The following COL25A1 variants were observed in gnomAD, a reference collection of about 807,000 sequenced individuals.
COL25A1 encodes the protein collagen type XXV alpha 1 chain.
Under a neutral mutation model 128.4 loss-of-function variants are expected in COL25A1, and 103 were observed. The ratio of observed to expected loss-of-function variants is 0.80; its 90% CI spans 0.68 to 0.94. COL25A1 has a LOEUF of 0.94. COL25A1 is among the 40% of genes least tolerant of loss of function. COL25A1 has a pLI of 0.00. For synonymous variants in COL25A1, 279 were observed against 277.2 expected, an observed-to-expected ratio of 1.01 and a Z score of -0.06; for missense variants, 745 against 840.0, an observed-to-expected ratio of 0.89 and a Z score of 1.40.
At chr4:109,263,785 TG>T (rs1230121697) in intron 3 of COL25A1, among the ~76,000 whole-genome samples, 1 of 152,230 alleles carries the variant, frequency 6.6e-6, no homozygotes, top group Non-Finnish European at 1.5e-5. Context: ...TCTCTCCTAC[TG>T]CCTTGAGAAG....
chr4:109,254,469 T>TATATATATATA, intron 3 of COL25A1, among the ~76,000 whole-genome samples: 1 of 59,584 alleles, frequency 1.7e-5, no homozygotes, highest in African/African-American at 5.6e-5. Flanking sequence ...AGGCATATGT[T>TATATATATATA]TATATATATA....
chr4:108,820,342 T>G lies in COL25A1; in HGVS notation c.1846-1013A>C, dbSNP rs146671323. ...AATCCTGTAACAGATGAAAGCTGCATTGAACCAGAGGAAAAGGAAAGAATA... is the reference window on the plus strand; with the variant it reads ...AATCCTGTAACAGATGAAAGCTGCAGTGAACCAGAGGAAAAGGAAAGAATA... On this transcript the variant is annotated intron_variant, in intron 35 of 37. Transcript: ENST00000399132. Among the ~76,000 whole-genome samples, 946 of 152,300 alleles carry G rather than the reference T, an allele frequency of 6.2e-3. 15 individuals carry two copies. The highest frequency in any genetic ancestry group is 0.022 in the African/African-American group (895 of 41,564).
intron 3 of COL25A1, among the ~76,000 whole-genome samples, chr4:109,168,409 C>T (rs1773275531): frequency 6.6e-6 from 1 of 152,162 alleles, no homozygotes; most frequent in Non-Finnish European, 1.5e-5. Context: ...AATGCAACGA[C>T]TTTCTCTTGC....
chr4:109,124,809 C>T (rs1283061731), intron 3 of COL25A1, among the ~76,000 whole-genome samples: 2 of 151,904 alleles, frequency 1.3e-5, no homozygotes, highest in African/African-American at 2.4e-5. Flanking sequence ...AAAAATCACA[C>T]ATTTACCTTT....
intron 3 of COL25A1, among the ~76,000 whole-genome samples, chr4:109,222,192 T>C (rs185829791): frequency 1.9e-3 from 281 of 148,628 alleles, no homozygotes; most frequent in African/African-American, 6.5e-3. Context: ...GCCTCCAGAG[T>C]AGCTAAGATT....
At chr4:109,034,448 C>T (rs926456918) in intron 5 of COL25A1, among the ~76,000 whole-genome samples, 3 of 152,134 alleles carry the variant, frequency 2.0e-5, no homozygotes, top group African/African-American at 7.2e-5. Flanking sequence ...TTAGATACAA[C>T]AGCATACTGT....
intron 3 of COL25A1, among the ~76,000 whole-genome samples, chr4:109,189,544 T>C (rs935598700): frequency 3.5e-5 from 3 of 84,594 alleles, no homozygotes; most frequent in Admixed American, 3.4e-4. Flanking sequence ...AGAGACTCCA[T>C]CTCAAAAAAA....
At chr4:109,145,808 T>A (rs1770887034) in intron 3 of COL25A1, among the ~76,000 whole-genome samples, 1 of 152,086 alleles carries the variant, frequency 6.6e-6, no homozygotes, top group Non-Finnish European at 1.5e-5. Flanking sequence ...ACCATTGCAC[T>A]CTAGCCTGGG....
intron 3 of COL25A1, among the ~76,000 whole-genome samples, chr4:109,233,042 AT>A (rs1248196526): frequency 6.6e-6 from 1 of 152,124 alleles, no homozygotes; most frequent in Non-Finnish European, 1.5e-5. Context: ...AGCAAAAACT[AT>A]TTCTGGGTTA....
intron 8 of COL25A1, among the ~76,000 whole-genome samples, chr4:108,969,740 G>T (rs905573127): frequency 6.6e-6 from 1 of 151,420 alleles, no homozygotes; most frequent in African/African-American, 2.4e-5. Context: ...CAGCTCATCC[G>T]TTCTGCTTAC....
At chr4:108,869,249 A>C (rs1738407372) in intron 19 of COL25A1, 99 bp from the exon 20 acceptor site, 1 of 681,712 alleles carries the variant, frequency 1.5e-6, no homozygotes, top group Non-Finnish European at 2.3e-6. Context: ...TCTTCTACTG[A>C]GATTTTACTT....
chr4:109,090,338 T>C (rs1270251638), intron 3 of COL25A1, among the ~76,000 whole-genome samples: 1 of 152,202 alleles, frequency 6.6e-6, no homozygotes, highest in African/African-American at 2.4e-5. Flanking sequence ...GTTTTCTTTA[T>C]TTTTCTTCTA....
chr4:109,095,200 G>A (rs1765283721), intron 3 of COL25A1, among the ~76,000 whole-genome samples: 1 of 152,180 alleles, frequency 6.6e-6, no homozygotes, highest in Admixed American at 6.5e-5. Flanking sequence ...CACTTTCAAT[G>A]AAAGTAAATT....
At chr4:108,953,065 T>C (rs1749652223) in intron 8 of COL25A1, among the ~76,000 whole-genome samples, 1 of 152,084 alleles carries the variant, frequency 6.6e-6, no homozygotes, top group African/African-American at 2.4e-5. Flanking sequence ...TGGAAAATCA[T>C]CCTGTACTTC....
intron 3 of COL25A1, among the ~76,000 whole-genome samples, chr4:109,150,522 T>C (rs1417785777): frequency 6.6e-6 from 1 of 152,180 alleles, no homozygotes; most frequent in East Asian, 1.9e-4. Context: ...CGAGATGTGG[T>C]GAAAAGTTTC....
intron 3 of COL25A1, among the ~76,000 whole-genome samples, chr4:109,123,489 A>C (rs1768297205): frequency 1.3e-5 from 2 of 152,100 alleles, no homozygotes; most frequent in South Asian, 4.1e-4. Context: ...ATAAATAAAT[A>C]AATAAGTTGA....
At chr4:109,274,970 C>T (rs990422218) in intron 3 of COL25A1, among the ~76,000 whole-genome samples, 3 of 152,160 alleles carry the variant, frequency 2.0e-5, no homozygotes, top group East Asian at 3.8e-4. Flanking sequence ...GGTTATTGAA[C>T]TTCCCTTTCA....
At position 109,050,174 on chromosome 4, in the gene COL25A1, G is replaced by A. The variant is rs1760852561; in HGVS notation, c.373C>T (p.Pro125Ser). 1.9e-6 allele frequency: 3 copies of A among 1,607,172 alleles called. No homozygotes were observed. The highest frequency in any genetic ancestry group is 1.7e-6 in the Non-Finnish European group (2 of 1,175,710). Residue 125 changes from proline to serine, a missense_variant, in exon 4 of 38, where the codon CCA becomes TCA. By Grantham distance (74) the Pro-to-Ser change is moderately conservative. This residue lies in a region of COL25A1 where 319 missense variants were observed against 324.9 expected (regional missense o/e 0.98). Transcript: ENST00000399132. ...PSECNCPAGP[P>S]GKRGKRGRRG... ...CGGCCTCTCTTACCTCGTTTCCCTG[G>A]AGGGCCTGAAATACAAAGGATAATT...
chr4:108,834,560 A>C (rs878912176), intron 31 of COL25A1, among the ~76,000 whole-genome samples: 2 of 152,092 alleles, frequency 1.3e-5, no homozygotes, highest in Admixed American at 6.6e-5. Context: ...AAAAAAAAAA[A>C]ACACATGACA....
Sources: allele counts gnomAD v4.1 joint callset (sites outside exome capture counted in the v4.1 genomes callset), GRCh38; gene constraint gnomAD v4.1.1; regional missense constraint gnomAD v4.1.1; transcripts MANE v1.5; gene names NCBI Gene and HGNC (gene_info 2026-07-23, HGNC 2026-07-21).